The following OCA2 variants were observed in gnomAD, a reference collection of about 807,000 sequenced individuals.
OCA2 encodes OCA2 melanosomal transmembrane protein.
Under a neutral mutation model 100.2 loss-of-function variants are expected in OCA2, and 77 were observed. The ratio of observed to expected loss-of-function variants is 0.77; its 90% CI spans 0.64 to 0.93. OCA2 has a LOEUF of 0.93. Among genes scored for constraint, OCA2 ranks in the 40% least tolerant of loss-of-function variants. The probability of loss-of-function intolerance (pLI) is 0.00; values close to 1 mark genes in which losing one functional copy is unlikely to be tolerated. For missense variants in OCA2, 1,062 were observed against 1,089.1 expected (o/e 0.98, Z 0.35); for synonymous variants, 432 against 439.2 (o/e 0.98, Z 0.21).
intron 23 of OCA2, among the ~76,000 whole-genome samples, chr15:27,774,503 T>C (rs2032077361): frequency 6.6e-6 from 1 of 152,228 alleles, no homozygotes; most frequent in South Asian, 2.1e-4. Flanking sequence ...CTTCTTGGTG[T>C]AGACCATTTC....
chr15:27,904,191 G>A (rs1320072275), intron 19 of OCA2, among the ~76,000 whole-genome samples: 1 of 152,118 alleles, frequency 6.6e-6, no homozygotes, highest in Non-Finnish European at 1.5e-5. Flanking sequence ...AGCCCACAGT[G>A]CATTGTTCAG....
intron 21 of OCA2, among the ~76,000 whole-genome samples, chr15:27,859,608 T>C (rs1234758366): frequency 6.6e-6 from 1 of 152,152 alleles, no homozygotes; most frequent in Non-Finnish European, 1.5e-5. Flanking sequence ...GAAAAATTAA[T>C]ACCAACGTTC....
intron 19 of OCA2, among the ~76,000 whole-genome samples, chr15:27,894,063 T>C (rs1173379725): frequency 1.3e-5 from 2 of 152,194 alleles, no homozygotes; most frequent in African/African-American, 2.4e-5. Flanking sequence ...GTCCTACCAA[T>C]ATGTGATGTC....
intron 14 of OCA2, among the ~76,000 whole-genome samples, chr15:27,967,713 C>A (rs929386476): frequency 2.6e-5 from 4 of 152,252 alleles, no homozygotes; most frequent in African/African-American, 9.6e-5. Context: ...TCCTTCCCGG[C>A]ACGCTTCCTT....
intron 9 of OCA2, among the ~76,000 whole-genome samples, chr15:27,998,263 C>A (rs2041812974): frequency 1.1e-5 from 1 of 87,292 alleles, no homozygotes; most frequent in African/African-American, 2.7e-5. Context: ...GAACAGGCAA[C>A]CTATAGAATG....
chr15:27,745,482 T>C, the OCA2 span, among the ~76,000 whole-genome samples: 9 of 152,188 alleles, frequency 5.9e-5, no homozygotes, highest in African/African-American at 2.2e-4. Context: ...ACCGTAAACC[T>C]CTAGCGGCTA....
In OCA2 at chr15:27,871,181, A is replaced by T. The variant is rs2036556884; in HGVS notation, c.2217T>A (p.Ile739=). 1.2e-6 allele frequency: 2 copies of T among 1,613,888 alleles called. No individual in the cohort carries two copies. Among genetic ancestry groups the T allele is most frequent in the African/African-American group, 2.7e-5 (2 of 74,888 alleles). ...VWVSALASSL[I]DNIPFTATMI... ...TGGTAGCAGTGAACGGGATGTTGTC[A>T]ATCAGGGACGACGCCAGGGCTGAGA... The change falls in exon 21 of 24, where the codon ATT becomes ATA. Residue 739 remains isoleucine, a synonymous_variant. Coordinates refer to ENST00000354638, the MANE Select transcript of OCA2 (RefSeq NM_000275.3).
At chr15:27,820,259 G>A (rs910136066) in intron 23 of OCA2, among the ~76,000 whole-genome samples, 1 of 151,904 alleles carries the variant, frequency 6.6e-6, no homozygotes, top group African/African-American at 2.4e-5. Flanking sequence ...CCCGTTAAGT[G>A]TTGCTTGCTC....
intron 18 of OCA2, among the ~76,000 whole-genome samples, chr15:27,937,962 A>G (rs770682002): frequency 2.6e-5 from 4 of 152,234 alleles, no homozygotes; most frequent in Non-Finnish European, 5.9e-5. Flanking sequence ...CACTTTTCAT[A>G]TCCAATTTAA....
At chr15:28,027,791 G>T in intron 4 of OCA2, 80 bp downstream of exon 4, 1 of 1,430,946 alleles carries the variant, frequency 7.0e-7, no homozygotes, top group Non-Finnish European at 9.7e-7. Flanking sequence ...CACGCTGCTG[G>T]TTTGAAAGAT....
chr15:28,058,964 G>A (rs557635721), intron 2 of OCA2, among the ~76,000 whole-genome samples: 1 of 152,190 alleles, frequency 6.6e-6, no homozygotes, highest in African/African-American at 2.4e-5. Flanking sequence ...CGCAGATGAG[G>A]ACAGCTCTGG....
chr15:27,887,056 T>C (rs113403518), intron 19 of OCA2, among the ~76,000 whole-genome samples: 2,370 of 152,280 alleles, frequency 0.016, 54 homozygotes, highest in African/African-American at 0.05. Context: ...CTGATGGTTT[T>C]AAAACGGGAG....
chr15:27,814,926 AGAT>A lies in OCA2; in HGVS notation c.2432+30030_2432+30032del, dbSNP rs1401031062. Among the ~76,000 whole-genome samples, 20 of 150,794 alleles carry A rather than the reference AGAT, an allele frequency of 1.3e-4. 1 individual carries two copies. The highest frequency in any genetic ancestry group is 4.7e-4 in the African/African-American group (19 of 40,834). On this transcript the variant is annotated intron_variant, in intron 23 of 23. Transcript: ENST00000354638. ...TAGATAGATAGATAGATAGATAGAT[AGAT>A]AGATAGATAGATAGATACAGAGATA...
chr15:27,962,448 G>C (rs114353841), intron 15 of OCA2, among the ~76,000 whole-genome samples: 1 of 152,206 alleles, frequency 6.6e-6, no homozygotes. Flanking sequence ...AGAAAGTGCC[G>C]TGTGGGATGT....
At chr15:27,928,421 TA>T (rs754864889) in intron 18 of OCA2, among the ~76,000 whole-genome samples, 20 of 152,158 alleles carry the variant, frequency 1.3e-4, no homozygotes, top group Admixed American at 3.9e-4. Context: ...GCTATAGATA[TA>T]AAAAGGTGTA....
intron 19 of OCA2, among the ~76,000 whole-genome samples, chr15:27,891,079 C>T (rs1310637807): frequency 6.6e-6 from 1 of 151,012 alleles, no homozygotes; most frequent in African/African-American, 2.4e-5. Context: ...ACTGAAAAAG[C>T]AGAAATGTGT....
At chr15:27,919,513 C>A (rs1200725672) in intron 19 of OCA2, among the ~76,000 whole-genome samples, 1 of 152,114 alleles carries the variant, frequency 6.6e-6, no homozygotes. Context: ...ATGAAAGAGG[C>A]CAATGTGAAA....
chr15:27,991,315 A>G (rs1283621111), intron 9 of OCA2, among the ~76,000 whole-genome samples: 1 of 152,226 alleles, frequency 6.6e-6, no homozygotes, highest in South Asian at 2.1e-4. Context: ...ATGAAAACAC[A>G]TGTCCACACA....
At chr15:27,937,204 C>T (rs985303123) in intron 18 of OCA2, among the ~76,000 whole-genome samples, 1 of 152,132 alleles carries the variant, frequency 6.6e-6, no homozygotes, top group Non-Finnish European at 1.5e-5. Flanking sequence ...TCAGATTTTT[C>T]TTTTGGCCAA....
Sources: gnomAD v4.1 joint callset for allele counts (sites outside exome capture counted in the v4.1 genomes callset) on GRCh38, gnomAD v4.1.1 for gene constraint, MANE v1.5 for transcripts, NCBI Gene and HGNC (gene_info 2026-07-23, HGNC 2026-07-21) for gene names.